CALHM4: variants seen among roughly 807,000 people sequenced by gnomAD.
CALHM4 encodes calcium homeostasis modulator protein 4.
In CALHM4, 16 loss-of-function variants were observed where a neutral mutation model predicts 13.3. The ratio of observed to expected loss-of-function variants is 1.20; its 90% confidence interval spans 0.81 to 1.82. CALHM4 has a LOEUF of 1.82. Ranked by LOEUF, CALHM4 falls within the 40% of genes most tolerant of loss-of-function variation. The probability of loss-of-function intolerance (pLI) is 0.00; values close to 1 mark genes in which losing one functional copy is unlikely to be tolerated. For missense variants in CALHM4, 344 were observed against 374.9 expected (o/e 0.92, Z 0.68); for synonymous variants, 127 against 137.1 (o/e 0.93, Z 0.52).
chr6:116,537,883 A>G (rs1255953690), intron 1 of CALHM4, among the ~76,000 whole-genome samples: 1 of 152,142 alleles, frequency 6.6e-6, no homozygotes, highest in East Asian at 1.9e-4. Context: ...CCCCACATAA[A>G]TATGTACTTC....
Position 116,558,428 on chromosome 6 carries a change from G to C in CALHM4, c.*217G>C, listed in dbSNP as rs992847073. ...TGCCAATGGTCTGGTAATGCCTAGA[G>C]TGGAATGTGAAGTCACATGGAAATT... On this transcript the variant is annotated 3_prime_UTR_variant, in exon 2 of 2. Coordinates refer to ENST00000368596, the MANE Select transcript of CALHM4 (RefSeq NM_001366078.2). 5.6e-5 allele frequency: 28 copies of C among 503,974 alleles called. No homozygotes were observed. The highest frequency in any genetic ancestry group is 1.9e-4 in the Admixed American group (5 of 26,538). The allele number at this position is 503,974 out of a possible 1,614,324, so 31.2% of individuals were successfully genotyped here.
chr6:116,558,809 C>G lies in CALHM4; in HGVS notation c.*598C>G, dbSNP rs950966206. 1 of 152,288 alleles carries G rather than the reference C, an allele frequency of 6.6e-6. No homozygotes were observed. Among genetic ancestry groups the G allele is most frequent in the Non-Finnish European group, 1.5e-5 (1 of 68,094 alleles). 9.4% of individuals were successfully genotyped at this position (152,288 alleles called of 1,614,324 possible). ...CAGAAACCTCTTTCTAATCCAGTAA[C>G]ATGTGAGGGAGAAGCCCATGCAGGA... is the stretch of plus-strand genomic sequence containing the variant. On this transcript the variant is annotated 3_prime_UTR_variant, in exon 2 of 2. Coordinates refer to ENST00000368596, the MANE Select transcript of CALHM4 (RefSeq NM_001366078.2).
At chr6:116,543,927 T>C (rs922632494) in intron 2 of CALHM4, 6 of 1,339,402 alleles carry the variant, frequency 4.5e-6, no homozygotes, top group Admixed American at 4.6e-5. Context: ...TATTTCCTTA[T>C]AGTTCTCCAA....
At chr6:116,542,978 A>G (rs1287136031) in intron 1 of CALHM4, among the ~76,000 whole-genome samples, 3 of 152,082 alleles carry the variant, frequency 2.0e-5, no homozygotes, top group Non-Finnish European at 4.4e-5. Context: ...ATAAAATTTG[A>G]TGTTCCCTCA....
chr6:116,551,549 C>CTT (rs369099846), upstream of CALHM4, among the ~76,000 whole-genome samples: 3 of 146,938 alleles, frequency 2.0e-5, no homozygotes, highest in Admixed American at 6.8e-5. Flanking sequence ...TTGTTTTATC[C>CTT]TTTTTTTTTT....
rs1774479852 is a variant in CALHM4 at position 116,559,275 on chromosome 6, G to A, written c.*1064G>A. ...TCATTAGCAAAAATAAGTTGTCTGA[G>A]GGCATTCTGTCTATTTATTTCTTCA... On this transcript the variant is annotated 3_prime_UTR_variant, in exon 2 of 2. Transcript: ENST00000368596. 6.6e-6 allele frequency among the ~76,000 whole-genome samples: 1 copy of A among 152,108 alleles called. No homozygotes were observed. Among genetic ancestry groups the A allele is most frequent in the Admixed American group, 6.6e-5 (1 of 15,266 alleles).
intron 2 of CALHM4, among the ~76,000 whole-genome samples, chr6:116,547,594 A>G (rs1438051472): frequency 6.6e-6 from 1 of 152,178 alleles, no homozygotes; most frequent in Non-Finnish European, 1.5e-5. Flanking sequence ...GAAACCTGCT[A>G]GTCTTCAGCA....
rs1403036559 is a variant in CALHM4 at position 116,560,908 on chromosome 6, T to C, written c.*2697T>C. Among the ~76,000 whole-genome samples the C allele has an allele frequency of 1.3e-5, 2 of 152,154 alleles. No individual in the cohort carries two copies. The highest frequency in any genetic ancestry group is 4.8e-5 in the African/African-American group (2 of 41,436). ...CTTAATTTCATTAGCTCCTCCACGG[T>C]CCCATCATGACCTAAGTTGCCACCT... On this transcript the variant is annotated 3_prime_UTR_variant, in exon 2 of 2. Coordinates refer to ENST00000368596, the MANE Select transcript of CALHM4 (RefSeq NM_001366078.2).
At chr6:116,543,358 G>A (rs1234849318) in intron 1 of CALHM4, 2 of 1,549,780 alleles carry the variant, frequency 1.3e-6, no homozygotes, top group African/African-American at 2.7e-5. Context: ...TTACACAGCT[G>A]GGCAACCAGA....
chr6:116,531,745 C>T (rs1772738489), intron 1 of CALHM4, among the ~76,000 whole-genome samples: 1 of 152,056 alleles, frequency 6.6e-6, no homozygotes. Context: ...TTAATATTTG[C>T]ATTTTAAATC....
chr6:116,559,298 T>A lies in CALHM4; in HGVS notation c.*1087T>A, dbSNP rs1337990250. Reference sequence around the variant, plus strand: ...GAGGGCATTCTGTCTATTTATTTCTTCAGTCAAAACAATGCTTACTGGACA... The same window carrying A: ...GAGGGCATTCTGTCTATTTATTTCTACAGTCAAAACAATGCTTACTGGACA... On this transcript the variant is annotated 3_prime_UTR_variant, in exon 2 of 2. Transcript: ENST00000368596. Among the ~76,000 whole-genome samples, 1 of 152,190 alleles carries A rather than the reference T, an allele frequency of 6.6e-6. No individual in the cohort carries two copies. The highest frequency in any genetic ancestry group is 1.5e-5 in the Non-Finnish European group (1 of 68,032).
upstream of CALHM4, among the ~76,000 whole-genome samples, chr6:116,550,200 T>A (rs993285267): frequency 6.6e-6 from 1 of 152,120 alleles, no homozygotes; most frequent in South Asian, 2.1e-4. Context: ...AATATTATTG[T>A]TCCCATTGAT....
At chr6:116,549,476 C>T (rs1446672654), upstream of CALHM4, among the ~76,000 whole-genome samples, 2 of 151,956 alleles carry the variant, frequency 1.3e-5, no homozygotes, top group African/African-American at 2.4e-5. Context: ...GGGCATTTAG[C>T]GTATCCATCA....
In CALHM4 at chr6:116,558,290, A is replaced by C; in HGVS notation, c.*79A>C. 7.2e-7 allele frequency: 1 copy of C among 1,384,820 alleles called. No individual in the cohort carries two copies. Among genetic ancestry groups the C allele is most frequent in the Non-Finnish European group, 9.7e-7 (1 of 1,030,596 alleles). The allele number at this position is 1,384,820 out of a possible 1,614,324, so 85.8% of individuals were successfully genotyped here. A position where few individuals can be genotyped will look rare whatever the true frequency, so the allele number is the denominator to read the frequency against. On this transcript the variant is annotated 3_prime_UTR_variant, in exon 2 of 2. Coordinates refer to ENST00000368596, the MANE Select transcript of CALHM4 (RefSeq NM_001366078.2). ...TTTTATGATCAGGCCATTTCAATGT[A>C]ATCTCTTCATCTTTTTCTTTCTCTC...
intron 1 of CALHM4, among the ~76,000 whole-genome samples, chr6:116,534,935 G>A (rs1453463970): frequency 1.3e-5 from 2 of 152,078 alleles, no homozygotes; most frequent in Admixed American, 1.3e-4. Context: ...TGACAACAAA[G>A]TAATGTGATA....
At chr6:116,547,925 TG>T (rs1327015493) in intron 2 of CALHM4, among the ~76,000 whole-genome samples, 1 of 152,238 alleles carries the variant, frequency 6.6e-6, no homozygotes, top group Non-Finnish European at 1.5e-5. Context: ...TATGCCCCTA[TG>T]CTGGTCCTTT....
rs1359092635 is a variant in CALHM4 at position 116,558,014 on chromosome 6, A to G, written c.748A>G (p.Lys250Glu). 1.9e-6 allele frequency: 3 copies of G among 1,614,162 alleles called. No homozygotes were observed. The highest frequency in any genetic ancestry group is 2.5e-6 in the Non-Finnish European group (3 of 1,180,016). Reference protein sequence around the residue: ...SRLLMMHRIKKLFGFIPGSED... With the variant: ...SRLLMMHRIKELFGFIPGSED... ...GCTCCTCATGATGCATCGCATAAAG[A>G]AGCTATTTGGCTTCATTCCCGGGAG... The change falls in exon 2 of 2, where the codon AAG becomes GAG. Residue 250 changes from lysine (K) to glutamate (E), a missense_variant. By Grantham distance (56) the Lys-to-Glu change is moderately conservative. Coordinates refer to ENST00000368596, the MANE Select transcript of CALHM4 (RefSeq NM_001366078.2).
chr6:116,548,923 G>T (rs1457066432), upstream of CALHM4, among the ~76,000 whole-genome samples: 1 of 152,176 alleles, frequency 6.6e-6, no homozygotes, highest in Non-Finnish European at 1.5e-5. Context: ...AATGTGTATT[G>T]CCTTCACACA....
At chr6:116,530,769 C>T (rs1772649470) in intron 1 of CALHM4, among the ~76,000 whole-genome samples, 1 of 151,730 alleles carries the variant, frequency 6.6e-6, no homozygotes, top group Non-Finnish European at 1.5e-5. Context: ...CAATACCTTA[C>T]AGTTAGCATA....
Sources: allele counts gnomAD v4.1 joint callset (sites outside exome capture counted in the v4.1 genomes callset), GRCh38; gene constraint gnomAD v4.1.1; transcripts MANE v1.5; gene names NCBI Gene and HGNC (gene_info 2026-07-23, HGNC 2026-07-21).